ACTL6A: variants seen among roughly 807,000 people sequenced by gnomAD.
ACTL6A encodes the protein actin like 6A.
A neutral mutation model predicts 59.2 loss-of-function variants in ACTL6A; 5 were observed. That is an observed-to-expected ratio of 0.08 (90% confidence interval 0.04 to 0.18). ACTL6A has a LOEUF of 0.18. ACTL6A is among the 10% of genes least tolerant of loss of function. The pLI, the probability that ACTL6A is intolerant of heterozygous loss-of-function variation, is 1.00. For missense variants in ACTL6A, 285 were observed against 526.9 expected (o/e 0.54, Z 4.49); for synonymous variants, 154 against 171.8 (o/e 0.90, Z 0.81).
chr3:179,575,204 C>T (rs534376619), intron 5 of ACTL6A: 1 of 355,230 alleles, frequency 2.8e-6, no homozygotes, highest in Admixed American at 4.0e-5. Context: ...ACATTTCTTC[C>T]TTTATTTTAC....
Position 179,588,314 on chromosome 3 carries a change from A to G in ACTL6A, c.*304A>G, listed in dbSNP as rs1421320338. 1.2e-5 allele frequency: 3 copies of G among 257,680 alleles called. No homozygotes were observed. The highest frequency in any genetic ancestry group is 2.2e-5 in the Non-Finnish European group (3 of 138,238). 16.0% of individuals were successfully genotyped at this position (257,680 alleles called of 1,614,324 possible). On this transcript the variant is annotated 3_prime_UTR_variant, in exon 14 of 14. Transcript: ENST00000429709. ...GTGTATTAATTACCAGTGGATTGGT[A>G]GAACTGCTTTTTATTGACTAGTAAA... is the stretch of plus-strand genomic sequence containing the variant.
In ACTL6A at chr3:179,570,757, G is replaced by C. The variant is rs1400637072; in HGVS notation, c.277+516G>C. 2.0e-5 allele frequency among the ~76,000 whole-genome samples: 3 copies of C among 152,182 alleles called. No individual in the cohort carries two copies. Among genetic ancestry groups the C allele is most frequent in the African/African-American group, 7.2e-5 (3 of 41,440 alleles). On this transcript the variant is annotated intron_variant, in intron 3 of 13. Coordinates refer to ENST00000429709, the MANE Select transcript of ACTL6A (RefSeq NM_004301.5). The surrounding 1 kb of genome is among the most constrained non-coding windows in gnomAD (Gnocchi z 4.3). The stretch of plus-strand genomic sequence containing the variant: ...ATTGGGCTTATTAGGGTCAGTAGCA[G>C]GAAAGGTAGGCAGAGAGCAGTAGCA...
intron 1 of ACTL6A, among the ~76,000 whole-genome samples, chr3:179,563,813 A>G (rs1229245806): frequency 3.3e-5 from 5 of 152,140 alleles, no homozygotes; most frequent in African/African-American, 1.2e-4. Flanking sequence ...TGGGGGTCCT[A>G]GGCGTGTTAT....
chr3:179,563,276 C>G, intron 1 of ACTL6A, 159 bp downstream of exon 1: 4 of 1,260,686 alleles, frequency 3.2e-6, no homozygotes, highest in Non-Finnish European at 4.3e-6. Flanking sequence ...TGCCCGCCCC[C>G]GGAGCCCACC....
At chr3:179,567,174 T>C (rs1717862081) in intron 1 of ACTL6A, among the ~76,000 whole-genome samples, 1 of 151,448 alleles carries the variant, frequency 6.6e-6, no homozygotes, top group Non-Finnish European at 1.5e-5. Context: ...GAGACCAGCC[T>C]GGCCAACATG....
At chr3:179,563,801 G>T (rs558411497) in intron 1 of ACTL6A, among the ~76,000 whole-genome samples, 30 of 152,290 alleles carry the variant, frequency 2.0e-4, no homozygotes, top group Non-Finnish European at 3.1e-4. Context: ...CAGAAAGTTT[G>T]CTGGGGGTCC....
Position 179,576,720 on chromosome 3 carries a change from A to G in ACTL6A, c.672A>G (p.Ala224=). 6.2e-7 allele frequency: 1 copy of G among 1,612,446 alleles called. No individual in the cohort carries two copies. The highest frequency in any genetic ancestry group is 8.5e-7 in the Non-Finnish European group (1 of 1,178,528). ...NIELVPPYMI[A]SKEAVREGSP... The stretch of plus-strand genomic sequence containing the variant: ...AATTGGTTCCTCCATATATGATTGC[A>G]TCAAAAGTAAGTAATTATTGAATTT... The change falls in exon 7 of 14, where the codon GCA becomes GCG. Residue 224 remains alanine, a synonymous_variant. Transcript: ENST00000429709.
intron 3 of ACTL6A, among the ~76,000 whole-genome samples, chr3:179,571,652 AC>A (rs1369115617): frequency 3.9e-5 from 6 of 152,330 alleles, no homozygotes; most frequent in African/African-American, 1.4e-4. Flanking sequence ...CAGTGGAGTC[AC>A]ACAGGATGTG....
Position 179,586,466 on chromosome 3 carries a change from T to TAA in ACTL6A, c.1123-80_1123-79insAA, listed in dbSNP as rs770346368. On this transcript the variant is annotated intron_variant, in intron 12 of 13. Coordinates refer to ENST00000429709, the MANE Select transcript of ACTL6A (RefSeq NM_004301.5). Reference sequence around the variant, plus strand: ...TGGCGAGGAAGACCCTGTCTCTATTTGAAAAAAAAAAAAAAAAAAAGAATT... The same window carrying TAA: ...TGGCGAGGAAGACCCTGTCTCTATTTAAGAAAAAAAAAAAAAAAAAAAGAATT... 1,281 of 677,078 alleles carry TAA rather than the reference T, an allele frequency of 1.9e-3. 7 individuals carry two copies. Among genetic ancestry groups the TAA allele is most frequent in the Non-Finnish European group, 2.1e-3 (990 of 475,354 alleles). The allele number at this position is 677,078 out of a possible 1,614,324, so 41.9% of individuals were successfully genotyped here. A position where few individuals can be genotyped will look rare whatever the true frequency, so the allele number is the denominator to read the frequency against.
At chr3:179,566,922 C>T (rs1357262401) in intron 1 of ACTL6A, among the ~76,000 whole-genome samples, 4 of 151,868 alleles carry the variant, frequency 2.6e-5, no homozygotes, top group African/African-American at 9.7e-5. Flanking sequence ...ATCTCCTGAC[C>T]TCGTAATCTG....
chr3:179,586,915 G>A (rs1423514922), intron 13 of ACTL6A, among the ~76,000 whole-genome samples: 6 of 152,130 alleles, frequency 3.9e-5, no homozygotes, highest in Admixed American at 3.3e-4. Flanking sequence ...CATTGGCACT[G>A]GTCAGGGCTT....
intron 3 of ACTL6A, among the ~76,000 whole-genome samples, chr3:179,571,547 A>G (rs1416179975): frequency 1.3e-5 from 2 of 152,176 alleles, no homozygotes; most frequent in African/African-American, 4.8e-5. Context: ...GCTAAGATTT[A>G]TTGTACTGAA....
At chr3:179,573,035 A>G (rs1387537417) in intron 3 of ACTL6A, among the ~76,000 whole-genome samples, 1 of 150,454 alleles carries the variant, frequency 6.6e-6, no homozygotes, top group South Asian at 2.1e-4. Flanking sequence ...AGGCCATACA[A>G]TTCTTCTGTA....
chr3:179,575,938 G>C (rs894848792), intron 5 of ACTL6A, among the ~76,000 whole-genome samples: 19 of 152,182 alleles, frequency 1.2e-4, no homozygotes, highest in African/African-American at 4.6e-4. Context: ...TTTAGTGATT[G>C]TGTTAATTTT....
At chr3:179,574,349 T>C (rs760954805) in intron 4 of ACTL6A, 21 bp from the exon 5 acceptor site, 1 of 1,508,054 alleles carries the variant, frequency 6.6e-7, no homozygotes, top group Non-Finnish European at 9.2e-7. Context: ...AACTTGCATT[T>C]CTTTTTCCCC....
In ACTL6A at chr3:179,576,912, A is replaced by G. The variant is rs1718184597; in HGVS notation, c.767A>G (p.Asn256Ser). The change falls in exon 8 of 14, where the codon AAT becomes AGT. Residue 256 changes from asparagine to serine, a missense_variant and splice_region_variant. Asn to Ser is a conservative substitution (Grantham distance 46, BLOSUM62 1). Transcript: ENST00000429709. ...VTRSWHNYMCNCVIQDFQASV... is the reference protein window; with the variant it reads ...VTRSWHNYMCSCVIQDFQASV... ...AGGTCTTGGCACAATTATATGTGTAATGTAAGTAACCCTCATTCTCTTTAC... is the reference window on the plus strand; with the variant it reads ...AGGTCTTGGCACAATTATATGTGTAGTGTAAGTAACCCTCATTCTCTTTAC... The G allele has an allele frequency of 6.2e-7, 1 of 1,610,982 alleles. No homozygotes were observed. Among genetic ancestry groups the G allele is most frequent in the African/African-American group, 1.3e-5 (1 of 74,796 alleles).
chr3:179,572,284 C>G (rs1353934985), intron 3 of ACTL6A, among the ~76,000 whole-genome samples: 52 of 151,542 alleles, frequency 3.4e-4, no homozygotes, highest in Non-Finnish European at 2.9e-5. Flanking sequence ...TTTCTGGAAG[C>G]ATAAAATTCC....
chr3:179,587,594 G>A (rs552810230), intron 13 of ACTL6A, among the ~76,000 whole-genome samples: 4 of 152,064 alleles, frequency 2.6e-5, no homozygotes, highest in African/African-American at 9.6e-5. Flanking sequence ...TAAAAAAAAC[G>A]CTGGTGCAGT....
chr3:179,582,365 T>G (rs1205912286), intron 11 of ACTL6A, among the ~76,000 whole-genome samples: 2 of 152,236 alleles, frequency 1.3e-5, no homozygotes, highest in Non-Finnish European at 2.9e-5. Context: ...TAAAACAGTT[T>G]GACATTTAAC....
Sources: gnomAD v4.1 joint callset for allele counts (sites outside exome capture counted in the v4.1 genomes callset) on GRCh38, gnomAD v4.1.1 for gene constraint, Gnocchi (gnomAD v3.1) non-coding constraint, MANE v1.5 for transcripts, NCBI Gene and HGNC (gene_info 2026-07-23, HGNC 2026-07-21) for gene names.